The following LARP4 variants were observed in gnomAD, a reference collection of about 807,000 sequenced individuals.
The protein encoded by LARP4 is La ribonucleoprotein 4.
LARP4 carries 29 observed loss-of-function variants against 92.9 expected under a neutral mutation model. The observed-to-expected ratio is 0.31, with a 90% CI of 0.23 to 0.43. LARP4 has a LOEUF of 0.43. LARP4 is among the 20% of genes least tolerant of loss of function. LARP4 has a pLI of 1.00. For missense variants in LARP4, 732 were observed against 860.0 expected (o/e 0.85, Z 1.86); for synonymous variants, 279 against 284.1 (o/e 0.98, Z 0.18).
chr12:50,435,113 A>G (rs1322205162), intron 4 of LARP4, among the ~76,000 whole-genome samples: 1 of 152,208 alleles, frequency 6.6e-6, no homozygotes, highest in Non-Finnish European at 1.5e-5. Context: ...TACAGTTTTT[A>G]TCATGCATAT....
chr12:50,404,692 T>G (rs896952713), intron 1 of LARP4, among the ~76,000 whole-genome samples: 6 of 145,530 alleles, frequency 4.1e-5, no homozygotes, highest in Admixed American at 6.9e-5. Context: ...TTTTTTTTTT[T>G]TTTTTTTTTT....
chr12:50,446,644 G>A (rs2137938826), intron 8 of LARP4, among the ~76,000 whole-genome samples: 1 of 150,290 alleles, frequency 6.7e-6, no homozygotes, highest in South Asian at 2.1e-4. Context: ...GGCCAGGCTG[G>A]TCTCGAATTC....
intron 8 of LARP4, among the ~76,000 whole-genome samples, chr12:50,442,304 T>C (rs1026216036): frequency 6.6e-6 from 1 of 152,232 alleles, no homozygotes; most frequent in Non-Finnish European, 1.5e-5. Context: ...ACTGCATCAC[T>C]ACGTACCATC....
chr12:50,430,773 G>C (rs906131333), intron 4 of LARP4, among the ~76,000 whole-genome samples: 1 of 151,972 alleles, frequency 6.6e-6, no homozygotes. Flanking sequence ...AGATTCTTGT[G>C]CCTCAGCCTC....
chr12:50,427,072 A>T (rs917287319), intron 1 of LARP4, among the ~76,000 whole-genome samples: 2 of 152,110 alleles, frequency 1.3e-5, no homozygotes, highest in African/African-American at 4.8e-5. Flanking sequence ...TATTTAAAGT[A>T]GTTATGCTGT....
intron 10 of LARP4, among the ~76,000 whole-genome samples, chr12:50,458,950 T>A (rs917230041): frequency 6.6e-6 from 1 of 152,186 alleles, no homozygotes. Flanking sequence ...CATATGGATC[T>A]TTTGATAAAT....
At chr12:50,406,023 T>C (rs1347391488) in intron 1 of LARP4, among the ~76,000 whole-genome samples, 1 of 152,172 alleles carries the variant, frequency 6.6e-6, no homozygotes, top group Non-Finnish European at 1.5e-5. Context: ...GATTTTTTTT[T>C]CTGAGTATTT....
intron 4 of LARP4, among the ~76,000 whole-genome samples, chr12:50,432,439 G>A (rs897235592): frequency 6.6e-6 from 1 of 152,128 alleles, no homozygotes; most frequent in Non-Finnish European, 1.5e-5. Flanking sequence ...GGCCCTTTCA[G>A]GCTTTTGATT....
At chr12:50,459,907 G>A (rs148865664) in intron 10 of LARP4, among the ~76,000 whole-genome samples, 1,965 of 151,948 alleles carry the variant, frequency 0.013, 47 homozygotes, top group African/African-American at 0.043. Flanking sequence ...GGGAGGCCAA[G>A]GTGGGCGGTT....
chr12:50,416,988 C>G (rs754224741), intron 1 of LARP4, among the ~76,000 whole-genome samples: 15 of 152,002 alleles, frequency 9.9e-5, no homozygotes, highest in Middle Eastern at 3.4e-3. Flanking sequence ...AACTCTTCTG[C>G]TTAATTTAGC....
intron 10 of LARP4, among the ~76,000 whole-genome samples, chr12:50,456,352 A>G (rs1954241125): frequency 6.6e-6 from 1 of 151,202 alleles, no homozygotes; most frequent in African/African-American, 2.4e-5. Context: ...CAGGTTGGTA[A>G]TTTTTAATTA....
intron 1 of LARP4, among the ~76,000 whole-genome samples, chr12:50,407,392 C>G (rs921914663): frequency 6.6e-6 from 1 of 152,114 alleles, no homozygotes; most frequent in African/African-American, 2.4e-5. Flanking sequence ...TCATCTCAGC[C>G]TTGTTACTAA....
intron 1 of LARP4, among the ~76,000 whole-genome samples, chr12:50,412,987 G>C (rs956550038): frequency 2.6e-4 from 40 of 152,100 alleles, no homozygotes; most frequent in African/African-American, 7.5e-4. Flanking sequence ...CACTTTGGAG[G>C]CTGAGGCGGG....
intron 10 of LARP4, among the ~76,000 whole-genome samples, chr12:50,458,266 TTTTG>T (rs1429387204): frequency 8.6e-5 from 13 of 152,040 alleles, no homozygotes; most frequent in South Asian, 2.1e-4. Flanking sequence ...TTATCTTTGT[TTTTG>T]TTTGTTTGTT....
Position 50,467,062 on chromosome 12 carries a change from G to T in LARP4, c.1487G>T (p.Gly496Val), listed in dbSNP as rs1394462618. The change falls in exon 13 of 16, where the codon GGT (glycine) becomes GTT (valine). Residue 496 changes from glycine (G) to valine (V), a missense_variant. Coordinates refer to ENST00000398473, the MANE Select transcript of LARP4 (RefSeq NM_052879.5). ...CCTGGAAGTTCATCAAGAATGCCAG[G>T]TGAACTCGTTTTGGAGAATAGGATG... is the stretch of plus-strand genomic sequence containing the variant. ...PLPGSSSRMP[G>V]ELVLENRMSD... 3 of 1,613,466 alleles carry T rather than the reference G, an allele frequency of 1.9e-6. No homozygotes were observed. Among genetic ancestry groups the T allele is most frequent in the Non-Finnish European group, 2.5e-6 (3 of 1,179,626 alleles).
Position 50,461,220 on chromosome 12 carries a change from T to A in LARP4, c.1207T>A (p.Tyr403Asn). 1 of 1,614,076 alleles carries A rather than the reference T, an allele frequency of 6.2e-7. No individual in the cohort carries two copies. The highest frequency in any genetic ancestry group is 8.5e-7 in the Non-Finnish European group (1 of 1,180,002). Residue 403 changes from tyrosine (Y) to asparagine (N), a missense_variant, in exon 11 of 16, where the codon TAT becomes AAT. Tyr to Asn is a moderately radical substitution (Grantham distance 143). Around this residue, in one of 7 missense-constraint regions of LARP4, gnomAD observed 264 missense variants for 269.5 expected, o/e 0.98. Coordinates refer to ENST00000398473, the MANE Select transcript of LARP4 (RefSeq NM_052879.5). ...CTTGGGGGATGGACAGTTGAACAGA[T>A]ATAGTTCAAGAAACTTTCCAGCTGA... The part of the protein sequence containing the change: ...VSLGDGQLNR[Y>N]SSRNFPAERH...
chr12:50,449,627 C>T (rs1045534261), intron 8 of LARP4, among the ~76,000 whole-genome samples: 3 of 152,076 alleles, frequency 2.0e-5, no homozygotes. Flanking sequence ...CTGCTATGCT[C>T]ATTGGTCTGT....
chr12:50,441,275 A>G (rs1951166877), intron 7 of LARP4: 1 of 210,334 alleles, frequency 4.8e-6, no homozygotes, highest in Admixed American at 6.0e-5. Context: ...AAAATCACTC[A>G]CAGATTTTTA....
intron 8 of LARP4, among the ~76,000 whole-genome samples, chr12:50,445,944 A>G (rs1328652810): frequency 7.1e-6 from 1 of 141,196 alleles, no homozygotes; most frequent in Non-Finnish European, 1.6e-5. Flanking sequence ...ATTCTTTTTC[A>G]CCTGCAGTTC....
Sources: allele counts gnomAD v4.1 joint callset (sites outside exome capture counted in the v4.1 genomes callset), GRCh38; gene constraint gnomAD v4.1.1; regional missense constraint gnomAD v4.1.1; transcripts MANE v1.5; gene names NCBI Gene and HGNC (gene_info 2026-07-23, HGNC 2026-07-21).